UGGT2: variants seen among roughly 807,000 people sequenced by gnomAD.
The protein encoded by UGGT2 is UDP-glucose glycoprotein glucosyltransferase 2.
Under a neutral mutation model 192.1 loss-of-function variants are expected in UGGT2, and 180 were observed. That is an observed-to-expected ratio of 0.94 (90% CI 0.83 to 1.06). The LOEUF (loss-of-function observed/expected upper bound fraction) is 1.06. Among genes scored for constraint, UGGT2 ranks in the 50% least tolerant of loss-of-function variants. The pLI is 0.00. For missense variants in UGGT2, 1,849 were observed against 1,795.7 expected (o/e 1.03, Z -0.54); for synonymous variants, 580 against 591.0 (o/e 0.98, Z 0.27).
chr13:95,942,571 C>A (rs1037750832), intron 15 of UGGT2, among the ~76,000 whole-genome samples: 7 of 152,054 alleles, frequency 4.6e-5, no homozygotes, highest in Non-Finnish European at 1.0e-4. Context: ...CCAATAATTT[C>A]AGTATATTTT....
intron 17 of UGGT2, among the ~76,000 whole-genome samples, chr13:95,930,034 T>C (rs1029502511): frequency 2.6e-5 from 4 of 152,232 alleles, no homozygotes; most frequent in African/African-American, 7.2e-5. Context: ...TAAGGATTAG[T>C]AGTGTTGAAC....
rs2051050527 is a variant in UGGT2, at chr13:95,979,584, C to T, written c.1092+4220G>A. 3.7e-5 allele frequency among the ~76,000 whole-genome samples: 5 copies of T among 135,754 alleles called. No individual in the cohort carries two copies. In the South Asian group the frequency reaches 1.2e-3, roughly 34 times the overall value. 89.1% of individuals were successfully genotyped at this position (135,754 alleles called of 152,430 possible). A position where few individuals can be genotyped will look rare whatever the true frequency, so the allele number is the denominator to read the frequency against. On this transcript the variant is annotated intron_variant, in intron 10 of 38. Coordinates refer to ENST00000376747, the MANE Select transcript of UGGT2 (RefSeq NM_020121.4). ...AAAATACAGACTTGCTTACAGAATG[C>T]CCTGCCAACTTTTTGAAATCTTTCT... is the stretch of plus-strand genomic sequence containing the variant.
intron 20 of UGGT2, among the ~76,000 whole-genome samples, chr13:95,918,148 C>T (rs111864845): frequency 5.2e-4 from 79 of 152,306 alleles, no homozygotes; most frequent in African/African-American, 1.8e-3. Context: ...GTAAAACGTT[C>T]CTCAGCAAAT....
At chr13:95,889,711 G>T (rs758147809) in intron 25 of UGGT2, among the ~76,000 whole-genome samples, 4 of 152,194 alleles carry the variant, frequency 2.6e-5, no homozygotes, top group South Asian at 2.1e-4. Flanking sequence ...TTTGGAGACT[G>T]ATATCTGTCT....
chr13:95,944,107 A>G (rs1321326332), intron 15 of UGGT2, among the ~76,000 whole-genome samples: 1 of 151,960 alleles, frequency 6.6e-6, no homozygotes, highest in Non-Finnish European at 1.5e-5. Flanking sequence ...TCACCTTGTC[A>G]TGATAATTTA....
At chr13:95,872,230 A>AC (rs1891284555) in intron 29 of UGGT2, among the ~76,000 whole-genome samples, 1 of 152,250 alleles carries the variant, frequency 6.6e-6, no homozygotes, top group Non-Finnish European at 1.5e-5. Flanking sequence ...TATTCAAGGT[A>AC]AGTAACAGCC....
At chr13:95,924,581 T>A (rs1216001677) in intron 20 of UGGT2, among the ~76,000 whole-genome samples, 1 of 152,086 alleles carries the variant, frequency 6.6e-6, no homozygotes, top group Non-Finnish European at 1.5e-5. Flanking sequence ...CTGGTATTCA[T>A]GCCCTGTAAA....
intron 1 of UGGT2, among the ~76,000 whole-genome samples, chr13:96,044,779 C>T (rs1354345485): frequency 6.6e-6 from 1 of 152,114 alleles, no homozygotes; most frequent in South Asian, 2.1e-4. Context: ...AAAGATACAA[C>T]CCTCCTAGCT....
intron 15 of UGGT2, 72 bp from the exon 16 acceptor site, chr13:95,940,163 C>T (rs935964983): frequency 2.5e-6 from 3 of 1,191,620 alleles, no homozygotes; most frequent in Non-Finnish European, 3.4e-6. Context: ...CCTTAGCATG[C>T]AGATAGATTT....
intron 15 of UGGT2, 47 bp from the exon 16 acceptor site, chr13:95,940,138 A>G: frequency 7.4e-7 from 1 of 1,353,506 alleles, no homozygotes. Flanking sequence ...TATAGCAATT[A>G]GTTTTCTTTT....
At chr13:95,980,468 G>A (rs895693956) in intron 10 of UGGT2, among the ~76,000 whole-genome samples, 2 of 151,960 alleles carry the variant, frequency 1.3e-5, no homozygotes, top group Admixed American at 1.3e-4. Context: ...GGCGGGGGGT[G>A]GCAAGAGATC....
intron 1 of UGGT2, among the ~76,000 whole-genome samples, chr13:96,049,915 T>C (rs1166973332): frequency 6.6e-6 from 1 of 152,230 alleles, no homozygotes; most frequent in Non-Finnish European, 1.5e-5. Flanking sequence ...CAAGGTAATT[T>C]ATAGATTCAA....
intron 4 of UGGT2, among the ~76,000 whole-genome samples, chr13:96,016,093 G>A (rs2052329678): frequency 6.6e-6 from 1 of 152,212 alleles, no homozygotes; most frequent in Admixed American, 6.5e-5. Context: ...AAGCAGCAAA[G>A]TATTCAAGAA....
intron 12 of UGGT2, among the ~76,000 whole-genome samples, chr13:95,967,385 T>C (rs1356500095): frequency 1.3e-5 from 2 of 151,302 alleles, no homozygotes; most frequent in Non-Finnish European, 2.9e-5. Flanking sequence ...TCTCCTGACC[T>C]TGTGATTTGC....
intron 19 of UGGT2, 146 bp downstream of exon 19, chr13:95,926,882 T>A (rs978906588): frequency 2.8e-6 from 2 of 713,318 alleles, no homozygotes; most frequent in Admixed American, 3.5e-5. Flanking sequence ...ACACGTTAAA[T>A]ACTAAAAAAT....
At chr13:95,928,444 G>T (rs936649595) in intron 17 of UGGT2, among the ~76,000 whole-genome samples, 1 of 151,246 alleles carries the variant, frequency 6.6e-6, no homozygotes, top group Non-Finnish European at 1.5e-5. Flanking sequence ...CAGATGGGGC[G>T]GCTGCTGGGC....
At chr13:95,913,336 C>T (rs1044061133) in intron 20 of UGGT2, among the ~76,000 whole-genome samples, 47 of 152,012 alleles carry the variant, frequency 3.1e-4, no homozygotes, top group African/African-American at 1.0e-3. Context: ...TGCAATCTAC[C>T]CATCTGACAA....
Position 95,970,234 on chromosome 13 carries a change from T to C in UGGT2, c.1213A>G (p.Lys405Glu). The C allele has an allele frequency of 6.2e-7, 1 of 1,612,898 alleles. No homozygotes were observed. Among genetic ancestry groups the C allele is most frequent in the Non-Finnish European group, 8.5e-7 (1 of 1,179,270 alleles). Residue 405 changes from lysine to glutamate, a missense_variant, in exon 12 of 39, where the codon AAA becomes GAA. Physicochemically the swap from Lys to Glu is moderately conservative, Grantham distance 56. Coordinates refer to ENST00000376747, the MANE Select transcript of UGGT2 (RefSeq NM_020121.4). Reference protein sequence around the residue: ...SILDMLKLEGKMMNGLRNLGI... With the variant: ...SILDMLKLEGEMMNGLRNLGI... ...AGATTGCGAAGGCCATTCATCATTT[T>C]TCCTTCTAATTTCAGCATATCCAAA...
chr13:95,853,642 C>G lies in UGGT2; in HGVS notation c.4185G>C (p.Val1395=), dbSNP rs1284169992. 1 of 1,577,128 alleles carries G rather than the reference C, an allele frequency of 6.3e-7. No homozygotes were observed. Among genetic ancestry groups the G allele is most frequent in the Non-Finnish European group, 8.6e-7 (1 of 1,168,036 alleles). Residue 1395 remains valine, a synonymous_variant, in exon 36 of 39, where the codon GTG becomes GTC. Coordinates refer to ENST00000376747, the MANE Select transcript of UGGT2 (RefSeq NM_020121.4). ...RKYHISALYV[V]DLKKFRRIGA... is the part of the protein sequence containing the mutation. ...CAATTCTCCTGAACTTCTTGAGATCCACTACATATAAAGCACTGCAAAAAT... is the reference window on the plus strand; with the variant it reads ...CAATTCTCCTGAACTTCTTGAGATCGACTACATATAAAGCACTGCAAAAAT...
Sources: gnomAD v4.1 joint callset for allele counts (sites outside exome capture counted in the v4.1 genomes callset) on GRCh38, gnomAD v4.1.1 for gene constraint, MANE v1.5 for transcripts, NCBI Gene and HGNC (gene_info 2026-07-23, HGNC 2026-07-21) for gene names.